NR2F6: variants seen among roughly 807,000 people sequenced by gnomAD.
The protein encoded by NR2F6 is ERBA-related gene-2.
NR2F6 carries 16 observed loss-of-function variants against 26.5 expected under a neutral mutation model. The observed-to-expected ratio is 0.60, with a 90% CI of 0.41 to 0.92. NR2F6 has a LOEUF of 0.92. NR2F6 is among the 40% of genes least tolerant of loss of function. The pLI is 0.00. For missense variants in NR2F6, 536 were observed against 631.7 expected (o/e 0.85, Z 1.62); for synonymous variants, 325 against 305.0 (o/e 1.07, Z -0.68).
In NR2F6 at chr19:17,240,691, C is replaced by A. The variant is rs969235743; in HGVS notation, c.353G>T (p.Arg118Leu). ...CQYCRLKKCF[R>L]VGMRKEAVQR... ...CTCACCCTCCTTCCTCATGCCCACC[C>A]GGAAGCACTTCTTGAGACGGCAGTA... The change falls in exon 2 of 4, where the codon CGG becomes CTG. Residue 118 changes from arginine (R) to leucine (L), a missense_variant. Arg to Leu is a moderately radical substitution (Grantham distance 102, BLOSUM62 -2). Transcript: ENST00000291442. 3 of 1,614,226 alleles carry A rather than the reference C, an allele frequency of 1.9e-6. No homozygotes were observed. In the African/African-American group the frequency reaches 4.0e-5, roughly 22 times the overall value.
intron 1 of NR2F6, among the ~76,000 whole-genome samples, chr19:17,241,807 T>C (rs2073470884): frequency 6.6e-6 from 1 of 151,728 alleles, no homozygotes; most frequent in Non-Finnish European, 1.5e-5. Context: ...TCACCTGAGG[T>C]CAGTTCAAGA....
intron 2 of NR2F6, among the ~76,000 whole-genome samples, chr19:17,237,268 C>T (rs967932681): frequency 6.6e-6 from 1 of 152,136 alleles, no homozygotes; most frequent in African/African-American, 2.4e-5. Context: ...AAGCTTCCTC[C>T]CGCTTTGTTC....
intron 3 of NR2F6, 96 bp from the exon 4 acceptor site, chr19:17,232,722 A>G (rs140345203): frequency 7.1e-7 from 1 of 1,404,676 alleles, no homozygotes; most frequent in Non-Finnish European, 9.4e-7. Flanking sequence ...ACTGTGGGTA[A>G]GAACAGGGGG....
chr19:17,244,035 G>A (rs964846998), intron 1 of NR2F6, among the ~76,000 whole-genome samples: 3 of 152,082 alleles, frequency 2.0e-5, no homozygotes, highest in Admixed American at 1.3e-4. Context: ...GGTGAGAAAA[G>A]AACTCCCGGG....
At chr19:17,236,258 G>T (rs1020851980) in intron 2 of NR2F6, among the ~76,000 whole-genome samples, 193 bp from the exon 3 acceptor site, 1 of 137,314 alleles carries the variant, frequency 7.3e-6, no homozygotes, top group Non-Finnish European at 1.6e-5. Flanking sequence ...GAAGAGGGGG[G>T]ATGAGGGGCC....
chr19:17,244,618 A>C, intron 1 of NR2F6: 1 of 280,674 alleles, frequency 3.6e-6, no homozygotes, highest in Admixed American at 5.7e-5. Flanking sequence ...GGGTTGGGTT[A>C]CCACCCCTGA....
chr19:17,238,690 A>G (rs1011387255), intron 2 of NR2F6, among the ~76,000 whole-genome samples: 1 of 152,172 alleles, frequency 6.6e-6, no homozygotes, highest in Non-Finnish European at 1.5e-5. Flanking sequence ...CCAAACTTAA[A>G]AGGGCCACAG....
chr19:17,245,408 C>A lies in NR2F6; in HGVS notation c.-188G>T, dbSNP rs2073493217. 5.1e-6 allele frequency: 2 copies of A among 389,880 alleles called. No individual in the cohort carries two copies. Among genetic ancestry groups the A allele is most frequent in the African/African-American group, 2.1e-5 (1 of 46,646 alleles). The allele number at this position is 389,880 out of a possible 1,614,324, so 24.2% of individuals were successfully genotyped here. On this transcript the variant is annotated 5_prime_UTR_variant, in exon 1 of 4. Transcript: ENST00000291442. The surrounding 1 kb of genome is among the most constrained non-coding windows in gnomAD (Gnocchi z 5.0). ...TCGCGCCCGGGCGGAACTGGTCGGGCCGGTTCCAGGCCAACTTTCCCACGC... is the reference window on the plus strand; with the variant it reads ...TCGCGCCCGGGCGGAACTGGTCGGGACGGTTCCAGGCCAACTTTCCCACGC...
In NR2F6 at chr19:17,245,191, G is replaced by T. The variant is rs1322965908; in HGVS notation, c.30C>A (p.Gly10=). ...CCACGCCGTTCGTGTCGCCGCCGGG[G>T]CCGCCCCAGCCGCCGGTCACCATGG... The part of the protein sequence containing the change: MAMVTGGWG[G]PGGDTNGVDK... Residue 10 remains glycine (G), a synonymous_variant, in exon 1 of 4, where the codon GGC becomes GGA. Transcript: ENST00000291442. The surrounding 1 kb of genome is among the most constrained non-coding windows in gnomAD (Gnocchi z 5.0). The T allele has an allele frequency of 7.3e-7, 1 of 1,378,014 alleles. No homozygotes were observed. The highest frequency in any genetic ancestry group is 9.4e-7 in the Non-Finnish European group (1 of 1,063,676). The allele number at this position is 1,378,014 out of a possible 1,614,324, so 85.4% of individuals were successfully genotyped here.
intron 2 of NR2F6, among the ~76,000 whole-genome samples, chr19:17,236,645 C>G (rs145593859): frequency 6.6e-6 from 1 of 152,318 alleles, no homozygotes; most frequent in Non-Finnish European, 1.5e-5. Flanking sequence ...TCAATACCCA[C>G]CCAGCACTGG....
Position 17,245,246 on chromosome 19 carries a change from G to A in NR2F6, c.-26C>T. On this transcript the variant is annotated 5_prime_UTR_variant, in exon 1 of 4. Transcript: ENST00000291442. The surrounding 1 kb of genome is among the most constrained non-coding windows in gnomAD (Gnocchi z 5.0). ...AGCCCCAGGGCAGCGGGGCCGGGGC[G>A]CCCCCACCGCGCTCTTCCCTCCGGG... is the stretch of plus-strand genomic sequence containing the variant. The A allele has an allele frequency of 1.6e-6, 2 of 1,236,952 alleles. No homozygotes were observed. Among genetic ancestry groups the A allele is most frequent in the Non-Finnish European group, 2.0e-6 (2 of 993,434 alleles). The allele number at this position is 1,236,952 out of a possible 1,614,324, so 76.6% of individuals were successfully genotyped here.
At chr19:17,236,481 G>A (rs1298975185) in intron 2 of NR2F6, among the ~76,000 whole-genome samples, 1 of 151,978 alleles carries the variant, frequency 6.6e-6, no homozygotes, top group Non-Finnish European at 1.5e-5. Context: ...TCTAGGTCCA[G>A]CCACCACCCC....
Position 17,245,226 on chromosome 19 carries a change from C to T in NR2F6, c.-6G>A. The T allele has an allele frequency of 1.5e-6, 2 of 1,297,502 alleles. No homozygotes were observed. Among genetic ancestry groups the T allele is most frequent in the South Asian group, 2.3e-5 (1 of 44,356 alleles). 80.4% of individuals were successfully genotyped at this position (1,297,502 alleles called of 1,614,324 possible). A position where few individuals can be genotyped will look rare whatever the true frequency, so the allele number is the denominator to read the frequency against. On this transcript the variant is annotated 5_prime_UTR_variant, in exon 1 of 4. Coordinates refer to ENST00000291442, the MANE Select transcript of NR2F6 (RefSeq NM_005234.4). The surrounding 1 kb of genome is among the most constrained non-coding windows in gnomAD (Gnocchi z 5.0). ...CCGCCGGTCACCATGGCCATAGCCC[C>T]AGGGCAGCGGGGCCGGGGCGCCCCC...
chr19:17,245,242 G>A lies in NR2F6; in HGVS notation c.-22C>T. On this transcript the variant is annotated 5_prime_UTR_variant, in exon 1 of 4. Coordinates refer to ENST00000291442, the MANE Select transcript of NR2F6 (RefSeq NM_005234.4). This position sits in a 1 kb window ranked among gnomAD's most constrained non-coding sequence, Gnocchi z 5.0. ...CCATAGCCCCAGGGCAGCGGGGCCG[G>A]GGCGCCCCCACCGCGCTCTTCCCTC... 1.6e-6 allele frequency: 2 copies of A among 1,244,322 alleles called. No homozygotes were observed. Among genetic ancestry groups the A allele is most frequent in the Non-Finnish European group, 1.0e-6 (1 of 997,576 alleles). The allele number at this position is 1,244,322 out of a possible 1,614,324, so 77.1% of individuals were successfully genotyped here.
intron 2 of NR2F6, among the ~76,000 whole-genome samples, chr19:17,236,282 T>C (rs1486630426): frequency 2.6e-5 from 2 of 77,910 alleles, no homozygotes; most frequent in East Asian, 4.8e-4. Flanking sequence ...TAGGTGCCCA[T>C]AGAGACATGG....
At chr19:17,234,530 G>A (rs1366791513) in intron 3 of NR2F6, among the ~76,000 whole-genome samples, 1 of 152,152 alleles carries the variant, frequency 6.6e-6, no homozygotes, top group East Asian at 1.9e-4. Context: ...CTTCCAGTAG[G>A]TTAAAGAACT....
intron 1 of NR2F6, among the ~76,000 whole-genome samples, chr19:17,243,104 A>C (rs750632441): frequency 1.3e-5 from 2 of 152,158 alleles, no homozygotes; most frequent in Non-Finnish European, 2.9e-5. Context: ...TTTTGTCTGG[A>C]CCACATTCTG....
chr19:17,236,010 C>A lies in NR2F6; in HGVS notation c.429G>T (p.Ser143=). 1 of 1,412,996 alleles carries A rather than the reference C, an allele frequency of 7.1e-7. No homozygotes were observed. Among genetic ancestry groups the A allele is most frequent in the Non-Finnish European group, 9.2e-7 (1 of 1,089,606 alleles). 87.5% of individuals were successfully genotyped at this position (1,412,996 alleles called of 1,614,324 possible). Residue 143 remains serine, a synonymous_variant, in exon 3 of 4, where the codon TCG becomes TCT. Transcript: ENST00000291442. ...HSLPGAVAAS[S]GSPPGSALAA... ...CCAGCGCCGAGCCCGGGGGGCTGCC[C>A]GAGGAGGCGGCCACGGCACCAGGCA... is the stretch of plus-strand genomic sequence containing the variant.
chr19:17,245,104 G>A lies in NR2F6; in HGVS notation c.117C>T (p.Ala39=), dbSNP rs754500347. The A allele has an allele frequency of 1.0e-5, 16 of 1,559,410 alleles. No individual in the cohort carries two copies. The highest frequency in any genetic ancestry group is 1.4e-5 in the Non-Finnish European group (16 of 1,155,118). Residue 39 remains alanine (A), a synonymous_variant, in exon 1 of 4, where the codon GCC becomes GCT. Transcript: ENST00000291442. The surrounding 1 kb of genome is among the most constrained non-coding windows in gnomAD (Gnocchi z 5.0). ...EDDSASPPGA[A]SDAEPGDEER... is the part of the protein sequence containing the mutation. ...CCTCGTCGCCCGGCTCGGCGTCGCT[G>A]GCGGCACCGGGGGGCGAGGCCGAGT... is the stretch of plus-strand genomic sequence containing the variant.
Sources: gnomAD v4.1 joint callset for allele counts (sites outside exome capture counted in the v4.1 genomes callset) on GRCh38, gnomAD v4.1.1 for gene constraint, Gnocchi (gnomAD v3.1) non-coding constraint, MANE v1.5 for transcripts, NCBI Gene and HGNC (gene_info 2026-07-23, HGNC 2026-07-21) for gene names.